DDAH1: variants seen among roughly 807,000 people sequenced by gnomAD.
DDAH1 encodes N(G),N(G)-dimethylarginine dimethylaminohydrolase 1.
In DDAH1, 19 loss-of-function variants were observed where a neutral mutation model predicts 28.8. The observed-to-expected ratio is 0.66, with a 90% CI of 0.46 to 0.97. The LOEUF is 0.97. Among genes scored for constraint, DDAH1 ranks in the 50% least tolerant of loss-of-function variants. The pLI is 0.00. For synonymous variants in DDAH1, 153 were observed against 154.4 expected (o/e 0.99, Z 0.07); for missense variants, 326 against 375.9 (o/e 0.87, Z 1.10).
At chr1:85,485,380 CTTAA>C (rs1419755945) in intron 2 of DDAH1, among the ~76,000 whole-genome samples, 4 of 151,996 alleles carry the variant, frequency 2.6e-5, no homozygotes, top group Non-Finnish European at 5.9e-5. Context: ...TTTAAATGAG[CTTAA>C]TTAATTATTT....
At chr1:85,418,325 T>C (rs964244097) in intron 1 of DDAH1, among the ~76,000 whole-genome samples, 20 of 152,350 alleles carry the variant, frequency 1.3e-4, no homozygotes, top group African/African-American at 4.8e-4. Context: ...TTAATTTGTT[T>C]TTTGTCCCAC....
At chr1:85,477,096 A>G (rs919373329) in intron 2 of DDAH1, among the ~76,000 whole-genome samples, 35 of 152,312 alleles carry the variant, frequency 2.3e-4, no homozygotes, top group African/African-American at 8.4e-4. Context: ...TTCTGAGCTG[A>G]GAATTGAAAG....
chr1:85,524,246 C>G (rs1657785173), intron 1 of DDAH1, among the ~76,000 whole-genome samples: 1 of 148,550 alleles, frequency 6.7e-6, no homozygotes, highest in South Asian at 2.2e-4. Context: ...CTTCTTTACA[C>G]AGGCTCCATG....
chr1:85,550,969 G>GTTCTCT (rs1358471125), intron 1 of DDAH1, among the ~76,000 whole-genome samples: 1 of 152,204 alleles, frequency 6.6e-6, no homozygotes, highest in Non-Finnish European at 1.5e-5. Context: ...TGCAAACAAA[G>GTTCTCT]TTCTCTCAAG....
chr1:85,446,429 TG>T (rs1000293197), intron 1 of DDAH1, among the ~76,000 whole-genome samples: 1 of 152,142 alleles, frequency 6.6e-6, no homozygotes, highest in African/African-American at 2.4e-5. Context: ...CCTTGCCATG[TG>T]GGGATTATGA....
At chr1:85,372,139 T>C (rs981350524) in intron 1 of DDAH1, among the ~76,000 whole-genome samples, 2 of 152,152 alleles carry the variant, frequency 1.3e-5, no homozygotes, top group Non-Finnish European at 2.9e-5. Context: ...GCCTTCTGAT[T>C]CCAGGCTGAA....
intron 1 of DDAH1, among the ~76,000 whole-genome samples, chr1:85,396,556 T>C (rs933171413): frequency 7.9e-5 from 12 of 151,984 alleles, no homozygotes; most frequent in Non-Finnish European, 1.6e-4. Flanking sequence ...ACCTCCAGCA[T>C]TGGGGATCAA....
intron 1 of DDAH1, among the ~76,000 whole-genome samples, chr1:85,536,282 C>T (rs1348622420): frequency 4.0e-5 from 6 of 151,782 alleles, no homozygotes; most frequent in Non-Finnish European, 8.8e-5. Context: ...CTGCTGGGTG[C>T]GGTGGCTCAC....
At chr1:85,382,516 T>A (rs566773466) in intron 1 of DDAH1, among the ~76,000 whole-genome samples, 24 of 152,342 alleles carry the variant, frequency 1.6e-4, no homozygotes, top group African/African-American at 5.3e-4. Context: ...CTGCAAGAAG[T>A]TATTCAGAAG....
At chr1:85,553,808 A>C (rs1255022688) in intron 1 of DDAH1, among the ~76,000 whole-genome samples, 18 of 152,160 alleles carry the variant, frequency 1.2e-4, no homozygotes, top group Admixed American at 1.2e-3. Context: ...ACATAACTGG[A>C]TATGTGATCT....
At chr1:85,324,600 C>G in intron 5 of DDAH1, 140 bp downstream of exon 5, 1 of 925,658 alleles carries the variant, frequency 1.1e-6, no homozygotes, top group Non-Finnish European at 1.6e-6. Flanking sequence ...TTTCCTTGTG[C>G]CCTAAATTGT....
At position 85,324,831 on chromosome 1, in the gene DDAH1, T is replaced by C; in HGVS notation, c.650A>G (p.Asp217Gly). 2 of 1,614,142 alleles carry C rather than the reference T, an allele frequency of 1.2e-6. No homozygotes were observed. Among genetic ancestry groups the C allele is most frequent in the Non-Finnish European group, 1.7e-6 (2 of 1,180,020 alleles). ...TAGATATATACAGTTTGCTGCTATG[T>C]CATCAGGCACAGTGAGTTTGTCGTA... Reference protein sequence around the residue: ...HRYDKLTVPDDIAANCIYLNI... With the variant: ...HRYDKLTVPDGIAANCIYLNI... Residue 217 changes from aspartate to glycine, a missense_variant, in exon 5 of 6, where the codon GAC becomes GGC. By Grantham distance (94) the Asp-to-Gly change is moderately conservative. Transcript: ENST00000284031.
intron 1 of DDAH1, among the ~76,000 whole-genome samples, chr1:85,375,740 C>T (rs1183987766): frequency 6.6e-6 from 1 of 152,082 alleles, no homozygotes; most frequent in Non-Finnish European, 1.5e-5. Context: ...AGTTTGTAAT[C>T]CAGTTTAGTA....
upstream of DDAH1, among the ~76,000 whole-genome samples, chr1:85,468,082 G>C (rs1227341317): frequency 6.6e-6 from 1 of 152,158 alleles, no homozygotes; most frequent in Non-Finnish European, 1.5e-5. Context: ...AGAATTCTAA[G>C]GGAAAGGCAT....
At chr1:85,489,671 A>C (rs141779918) in intron 2 of DDAH1, among the ~76,000 whole-genome samples, 40 of 152,184 alleles carry the variant, frequency 2.6e-4, no homozygotes, top group African/African-American at 7.9e-4. Flanking sequence ...AGAAGGGAAA[A>C]GATGGACATT....
chr1:85,389,779 T>C (rs1212700640), intron 1 of DDAH1, among the ~76,000 whole-genome samples: 2 of 152,208 alleles, frequency 1.3e-5, no homozygotes, highest in Admixed American at 6.5e-5. Context: ...CATGTTCTAG[T>C]TGGGAGTTGG....
intron 2 of DDAH1, among the ~76,000 whole-genome samples, chr1:85,486,037 G>T (rs756957140): frequency 6.6e-6 from 1 of 152,184 alleles, no homozygotes; most frequent in Non-Finnish European, 1.5e-5. Context: ...AGACACATGA[G>T]AAAGACATCT....
intron 1 of DDAH1, among the ~76,000 whole-genome samples, chr1:85,554,694 C>G (rs1020204029): frequency 6.6e-6 from 1 of 152,204 alleles, no homozygotes; most frequent in Non-Finnish European, 1.5e-5. Context: ...GAGAAATTGG[C>G]TTTAAAGCCA....
intron 2 of DDAH1, among the ~76,000 whole-genome samples, chr1:85,489,114 A>G (rs1306265422): frequency 6.6e-6 from 1 of 152,228 alleles, no homozygotes; most frequent in Non-Finnish European, 1.5e-5. Flanking sequence ...AAGTTCTGAG[A>G]AAATGTTAGC....
Sources: gnomAD v4.1 joint callset for allele counts (sites outside exome capture counted in the v4.1 genomes callset) on GRCh38, gnomAD v4.1.1 for gene constraint, MANE v1.5 for transcripts, NCBI Gene and HGNC (gene_info 2026-07-23, HGNC 2026-07-21) for gene names.